Variants in NELL1 observed in about 807,000 individuals in gnomAD.
The protein encoded by NELL1 is protein kinase C-binding protein NELL1.
Under a neutral mutation model 107.4 loss-of-function variants are expected in NELL1, and 76 were observed. That is an observed-to-expected ratio of 0.71 (90% CI 0.59 to 0.86). The LOEUF (loss-of-function observed/expected upper bound fraction) is 0.86, where lower values mean the gene tolerates loss of function less well. NELL1 is among the 40% of genes least tolerant of loss of function. The pLI is 0.00. For missense variants in NELL1, 1,024 were observed against 1,005.5 expected, an observed-to-expected ratio of 1.02 and a Z score of -0.25; for synonymous variants, 353 against 341.2, an observed-to-expected ratio of 1.03 and a Z score of -0.38.
At chr11:21,161,670 A>G (rs187745961) in intron 13 of NELL1, among the ~76,000 whole-genome samples, 1 of 152,192 alleles carries the variant, frequency 6.6e-6, no homozygotes, top group Admixed American at 6.6e-5. Flanking sequence ...CAAATTTTTT[A>G]AAGTAAGAAA....
At chr11:21,145,031 G>T (rs182395600) in intron 13 of NELL1, among the ~76,000 whole-genome samples, 70 of 152,196 alleles carry the variant, frequency 4.6e-4, no homozygotes, top group Non-Finnish European at 9.6e-4. Context: ...CTACCACATA[G>T]GGTTGTTGTG....
At chr11:21,368,856 A>G (rs79642402) in intron 14 of NELL1, among the ~76,000 whole-genome samples, 2,661 of 152,220 alleles carry the variant, frequency 0.017, 45 homozygotes, top group Non-Finnish European at 0.028. Flanking sequence ...CAGGATATTT[A>G]TATAACACTA....
intron 2 of NELL1, among the ~76,000 whole-genome samples, chr11:20,753,616 C>A (rs1211257052): frequency 6.6e-6 from 1 of 152,170 alleles, no homozygotes; most frequent in East Asian, 1.9e-4. Flanking sequence ...TCTAAAAGAT[C>A]AATAGCCAAT....
rs1857576957 is a variant in NELL1, at chr11:20,814,381, C to T, written c.335+30551C>T. On this transcript the variant is annotated intron_variant, in intron 3 of 19. Coordinates refer to ENST00000357134, the MANE Select transcript of NELL1 (RefSeq NM_006157.5). The stretch of plus-strand genomic sequence containing the variant: ...TTGTGTGATGCTGAGGTTTGGAGTA[C>T]AACTGATCCTGTCACCCAGGTGCTG... Among the ~76,000 whole-genome samples the T allele has an allele frequency of 2.0e-5, 3 of 152,196 alleles. No individual in the cohort carries two copies. The South Asian group carries it at 6.2e-4, about 31-fold the overall frequency.
chr11:21,516,889 C>T (rs1159855723), intron 15 of NELL1, among the ~76,000 whole-genome samples: 1 of 151,986 alleles, frequency 6.6e-6, no homozygotes, highest in African/African-American at 2.4e-5. Flanking sequence ...AGTGCAACCT[C>T]CGTCTCCCAG....
chr11:20,956,173 C>G (rs1851166667), intron 11 of NELL1, among the ~76,000 whole-genome samples: 1 of 152,038 alleles, frequency 6.6e-6, no homozygotes, highest in African/African-American at 2.4e-5. Context: ...GAGCTGAGAT[C>G]ACGCCACTGC....
chr11:20,731,899 C>T (rs964453245), intron 2 of NELL1, among the ~76,000 whole-genome samples: 13 of 152,254 alleles, frequency 8.5e-5, no homozygotes, highest in African/African-American at 2.6e-4. Context: ...TGGGTAAACA[C>T]GTTGGCTTTG....
chr11:21,206,255 T>C (rs1857387286), intron 13 of NELL1, among the ~76,000 whole-genome samples: 1 of 152,130 alleles, frequency 6.6e-6, no homozygotes, highest in South Asian at 2.1e-4. Context: ...CCTTGACTTG[T>C]GGTAGCATCG....
chr11:21,097,069 T>C (rs1163871879), intron 12 of NELL1, among the ~76,000 whole-genome samples: 1 of 152,064 alleles, frequency 6.6e-6, no homozygotes, highest in Non-Finnish European at 1.5e-5. Flanking sequence ...CCTAAAATCA[T>C]AAATTCAGAC....
chr11:21,194,457 A>G (rs1426500471), intron 13 of NELL1, among the ~76,000 whole-genome samples: 1 of 152,048 alleles, frequency 6.6e-6, no homozygotes, highest in East Asian at 1.9e-4. Context: ...ACCCCCCCAT[A>G]GAGATTCTGA....
chr11:21,372,012 A>G (rs1049792647), intron 15 of NELL1, among the ~76,000 whole-genome samples: 3 of 152,114 alleles, frequency 2.0e-5, no homozygotes, highest in Admixed American at 2.0e-4. Context: ...AAAGGTAACT[A>G]AAATTGTTCA....
intron 13 of NELL1, among the ~76,000 whole-genome samples, chr11:21,159,087 G>T (rs1856306816): frequency 1.3e-5 from 2 of 152,100 alleles, no homozygotes; most frequent in Admixed American, 1.3e-4. Flanking sequence ...TCTTAGCTCT[G>T]TTGGGTCCTT....
At chr11:20,913,856 A>G in intron 5 of NELL1, among the ~76,000 whole-genome samples, 1 of 101,046 alleles carries the variant, frequency 9.9e-6, no homozygotes, top group Non-Finnish European at 2.0e-5. Context: ...GGGCGGGGGG[A>G]TGGGGGGAAG....
At chr11:20,912,411 A>G (rs1850151821) in intron 5 of NELL1, among the ~76,000 whole-genome samples, 1 of 152,136 alleles carries the variant, frequency 6.6e-6, no homozygotes, top group Admixed American at 6.6e-5. Flanking sequence ...CATTATCAGG[A>G]TGGTTGATTA....
At chr11:21,079,169 A>G (rs2133665793) in intron 12 of NELL1, among the ~76,000 whole-genome samples, 1 of 152,160 alleles carries the variant, frequency 6.6e-6, no homozygotes, top group South Asian at 2.1e-4. Context: ...GTGAGTGACT[A>G]GACACTTAAT....
chr11:21,229,715 G>A (rs1409886074), intron 14 of NELL1, among the ~76,000 whole-genome samples: 1 of 152,190 alleles, frequency 6.6e-6, no homozygotes, highest in African/African-American at 2.4e-5. Context: ...TTTGCCTGTT[G>A]GCATGAGTTT....
In NELL1 at chr11:21,223,804, C is replaced by T. The variant is rs191235242; in HGVS notation, c.1427-5528C>T. 6.7e-4 allele frequency among the ~76,000 whole-genome samples: 102 copies of T among 152,286 alleles called. 1 individual carries two copies. In the Middle Eastern group the frequency reaches 0.01, roughly 15 times the overall value. ...GACTCAAAAAATATATATTGCCCTA[C>T]ACTTCCTGATGTAGGACTTTGTTAA... On this transcript the variant is annotated intron_variant, in intron 13 of 19. Coordinates refer to ENST00000357134, the MANE Select transcript of NELL1 (RefSeq NM_006157.5).
At chr11:21,096,639 C>T (rs1047994636) in intron 12 of NELL1, among the ~76,000 whole-genome samples, 15 of 152,194 alleles carry the variant, frequency 9.9e-5, no homozygotes, top group African/African-American at 3.4e-4. Flanking sequence ...ACTGTACCAT[C>T]ATTCTAGGCA....
At chr11:20,718,462 ATT>A (rs1247654136) in intron 2 of NELL1, among the ~76,000 whole-genome samples, 70 of 64,706 alleles carry the variant, frequency 1.1e-3, no homozygotes, top group African/African-American at 1.9e-3. Flanking sequence ...TTATTTATTC[ATT>A]TTTTTTTTTT....
Sources: gnomAD v4.1 joint callset for allele counts (sites outside exome capture counted in the v4.1 genomes callset) on GRCh38, gnomAD v4.1.1 for gene constraint, MANE v1.5 for transcripts, NCBI Gene and HGNC (gene_info 2026-07-23, HGNC 2026-07-21) for gene names.